Variants in ZNF804B observed in about 807,000 individuals in gnomAD.
ZNF804B encodes zinc finger protein 804B.
ZNF804B carries 80 observed loss-of-function variants against 101.4 expected under a neutral mutation model. The observed-to-expected ratio is 0.79, with a 90% CI of 0.66 to 0.95. The LOEUF is 0.95. Ranked by LOEUF, ZNF804B falls within the 40% of genes least tolerant of loss-of-function variation. The pLI, the probability that ZNF804B is intolerant of heterozygous loss-of-function variation, is 0.00. For missense variants in ZNF804B, 1,673 were observed against 1,561.9 expected, an observed-to-expected ratio of 1.07 and a Z score of -1.20; for synonymous variants, 622 against 558.8, an observed-to-expected ratio of 1.11 and a Z score of -1.59.
intron 1 of ZNF804B, among the ~76,000 whole-genome samples, chr7:88,865,471 G>A (rs1791712895): frequency 6.6e-6 from 1 of 152,144 alleles, no homozygotes. Flanking sequence ...GGTCAAAGCT[G>A]TAGTGAGCTA....
intron 1 of ZNF804B, among the ~76,000 whole-genome samples, chr7:88,927,511 C>T: frequency 6.6e-6 from 1 of 152,120 alleles, no homozygotes; most frequent in East Asian, 1.9e-4. Context: ...GGATCCTAGA[C>T]CCTATACGTT....
intron 1 of ZNF804B, among the ~76,000 whole-genome samples, chr7:88,845,038 C>A (rs1583971865): frequency 6.6e-6 from 1 of 152,264 alleles, no homozygotes; most frequent in Middle Eastern, 3.4e-3. Flanking sequence ...TTTCCTCCTT[C>A]TTTCCAATCC....
In ZNF804B at chr7:89,336,559, T is replaced by C. The variant is rs147794726; in HGVS notation, c.3577T>C (p.Ser1193Pro). 0.013 allele frequency: 21,560 copies of C among 1,614,092 alleles called. 245 individuals carry two copies. Among genetic ancestry groups the C allele is most frequent in the Non-Finnish European group, 0.014 (16,693 of 1,180,012 alleles). Residue 1193 changes from serine (S) to proline (P), a missense_variant, in exon 4 of 4, where the codon TCA (serine) becomes CCA (proline). Physicochemically the swap from Ser to Pro is moderately conservative, Grantham distance 74. Transcript: ENST00000333190. ...AGGGCCTACTGCCTTCTCTCCGGCC[T>C]CAACCGTACAGACAGTTCCAGTTCA... ...AAGPTAFSPA[S>P]TVQTVPVHQH...
chr7:88,818,929 T>C (rs183930332), intron 1 of ZNF804B, among the ~76,000 whole-genome samples: 58 of 152,308 alleles, frequency 3.8e-4, no homozygotes, highest in Non-Finnish European at 6.9e-4. Flanking sequence ...GTCCTTTCTT[T>C]AGAAGTATGT....
intron 1 of ZNF804B, among the ~76,000 whole-genome samples, chr7:88,828,284 T>C (rs932234580): frequency 1.3e-5 from 2 of 152,170 alleles, no homozygotes; most frequent in African/African-American, 4.8e-5. Context: ...ATTTAGGGTA[T>C]AGGACATTTC....
intron 1 of ZNF804B, among the ~76,000 whole-genome samples, chr7:88,894,744 A>T (rs1022532407): frequency 6.6e-6 from 1 of 152,206 alleles, no homozygotes; most frequent in South Asian, 2.1e-4. Flanking sequence ...TACAGGAAGG[A>T]AGCCAGTCTA....
At chr7:88,873,915 C>G (rs1791881583) in intron 1 of ZNF804B, among the ~76,000 whole-genome samples, 1 of 152,150 alleles carries the variant, frequency 6.6e-6, no homozygotes, top group Non-Finnish European at 1.5e-5. Flanking sequence ...ATGCCTCCAG[C>G]TTTGTCCTTT....
intron 1 of ZNF804B, among the ~76,000 whole-genome samples, chr7:88,894,309 G>A (rs1292769722): frequency 6.6e-6 from 1 of 151,926 alleles, no homozygotes; most frequent in African/African-American, 2.4e-5. Flanking sequence ...TGCCTCCCGG[G>A]TTGAAGTGAT....
intron 2 of ZNF804B, among the ~76,000 whole-genome samples, chr7:89,306,143 A>G (rs895757134): frequency 6.6e-6 from 1 of 152,056 alleles, no homozygotes; most frequent in South Asian, 2.1e-4. Context: ...CACAATTTGT[A>G]TCCAATCAGC....
At chr7:89,206,752 C>CA (rs1318855292) in intron 1 of ZNF804B, among the ~76,000 whole-genome samples, 2 of 152,004 alleles carry the variant, frequency 1.3e-5, no homozygotes, top group African/African-American at 4.8e-5. Flanking sequence ...AACTCCATCT[C>CA]AAAAAACAAA....
intron 1 of ZNF804B, among the ~76,000 whole-genome samples, chr7:88,871,469 A>T (rs369510969): frequency 6.6e-6 from 1 of 152,158 alleles, no homozygotes; most frequent in Non-Finnish European, 1.5e-5. Flanking sequence ...TCAATTATCA[A>T]TAACAATTGA....
intron 1 of ZNF804B, among the ~76,000 whole-genome samples, chr7:89,092,873 G>A (rs1355906124): frequency 6.6e-6 from 1 of 152,018 alleles, no homozygotes; most frequent in African/African-American, 2.4e-5. Context: ...TTTATTGGAG[G>A]GTAGTATTAG....
At chr7:88,872,127 G>A (rs1299946560) in intron 1 of ZNF804B, among the ~76,000 whole-genome samples, 1 of 152,140 alleles carries the variant, frequency 6.6e-6, no homozygotes, top group Admixed American at 6.5e-5. Flanking sequence ...AAGTGTCTCA[G>A]GGGAACTTAA....
intron 1 of ZNF804B, among the ~76,000 whole-genome samples, chr7:88,838,639 A>G (rs544896269): frequency 6.6e-6 from 1 of 151,954 alleles, no homozygotes; most frequent in Non-Finnish European, 1.5e-5. Flanking sequence ...TAATTTACAG[A>G]GTACATTATA....
In ZNF804B at chr7:89,336,100, C is replaced by A. The variant is rs1335593669; in HGVS notation, c.3118C>A (p.Leu1040Ile). ...IIHLVTESQS[L>I]NIKRDATTKE... ...TCACCTAGTAACAGAGTCTCAGTCA[C>A]TAAACATAAAAAGGGATGCAACAAC... Residue 1040 changes from leucine (L) to isoleucine (I), a missense_variant, in exon 4 of 4, where the codon CTA becomes ATA. Transcript: ENST00000333190. 8.7e-6 allele frequency: 14 copies of A among 1,613,768 alleles called. No homozygotes were observed. Among genetic ancestry groups the A allele is most frequent in the Admixed American group, 5.0e-5 (3 of 59,942 alleles).
chr7:89,235,564 G>C (rs1217183212), intron 2 of ZNF804B, among the ~76,000 whole-genome samples: 1 of 152,102 alleles, frequency 6.6e-6, no homozygotes, highest in African/African-American at 2.4e-5. Flanking sequence ...TGTTAAATTT[G>C]AGCAGTATAA....
In ZNF804B at chr7:89,334,770, T is replaced by C. The variant is rs1466272090; in HGVS notation, c.1788T>C (p.Asn596=). 3 of 1,613,790 alleles carry C rather than the reference T, an allele frequency of 1.9e-6. No individual in the cohort carries two copies. The highest frequency in any genetic ancestry group is 2.2e-5 in the East Asian group (1 of 44,862). ...TAAAGGATTGTGCTGGAAAGAATAATAGTAGTGAGAACAAACTTAAGGAAG... is the reference window on the plus strand; with the variant it reads ...TAAAGGATTGTGCTGGAAAGAATAACAGTAGTGAGAACAAACTTAAGGAAG... ...TSLKDCAGKN[N]SSENKLKEAS... The change falls in exon 4 of 4, where the codon AAT becomes AAC. Residue 596 remains asparagine (N), a synonymous_variant. Transcript: ENST00000333190.
chr7:88,798,152 A>C (rs561879097), intron 1 of ZNF804B, among the ~76,000 whole-genome samples: 1 of 152,126 alleles, frequency 6.6e-6, no homozygotes, highest in East Asian at 1.9e-4. Flanking sequence ...CAATACTTCC[A>C]ACACAATATC....
intron 1 of ZNF804B, among the ~76,000 whole-genome samples, chr7:89,066,377 C>A (rs1789455216): frequency 6.6e-6 from 1 of 152,006 alleles, no homozygotes; most frequent in South Asian, 2.1e-4. Context: ...GCAATAAAAT[C>A]ATGTCCTATG....
Sources: allele counts gnomAD v4.1 joint callset (sites outside exome capture counted in the v4.1 genomes callset), GRCh38; gene constraint gnomAD v4.1.1; transcripts MANE v1.5; gene names NCBI Gene and HGNC (gene_info 2026-07-23, HGNC 2026-07-21).